The following ATXN2 variants were observed in gnomAD, a reference collection of about 807,000 sequenced individuals.
ATXN2 encodes ataxin 2, also known as ataxin-2.
In ATXN2, 37 loss-of-function variants were observed where a neutral mutation model predicts 138.6. That is an observed-to-expected ratio of 0.27 (90% CI 0.21 to 0.35). ATXN2 has a LOEUF of 0.35. Among genes scored for constraint, ATXN2 ranks in the 10% least tolerant of loss-of-function variants. The probability of loss-of-function intolerance (pLI) is 1.00; values close to 1 mark genes in which losing one functional copy is unlikely to be tolerated. For missense variants in ATXN2, 1,216 were observed against 1,480.3 expected (o/e 0.82, Z 2.93); for synonymous variants, 549 against 543.7 (o/e 1.01, Z -0.13).
In ATXN2 at chr12:111,511,209, GGTTT is replaced by G. The variant is rs769052516; in HGVS notation, c.1559-631_1559-628del. The G allele has an allele frequency of 3.3e-5, 5 of 151,492 alleles. No homozygotes were observed. In the East Asian group the frequency reaches 7.7e-4, roughly 23 times the overall value. 9.4% of individuals were successfully genotyped at this position (151,492 alleles called of 1,614,324 possible). The stretch of plus-strand genomic sequence containing the variant: ...CCTAACTGCAGAGCTCAGATTCAAA[GGTTT>G]AGAGAAAATGGTTCGATTATTTCAT... On this transcript the variant is annotated intron_variant, in intron 11 of 24. Transcript: ENST00000673436.
chr12:111,571,047 C>T (rs1883285145), intron 1 of ATXN2, among the ~76,000 whole-genome samples: 2 of 152,200 alleles, frequency 1.3e-5, no homozygotes, highest in African/African-American at 4.8e-5. Flanking sequence ...AAGCGTGTTA[C>T]ATGTTTAATT....
At chr12:111,584,019 T>A (rs1884177545) in intron 1 of ATXN2, among the ~76,000 whole-genome samples, 1 of 151,904 alleles carries the variant, frequency 6.6e-6, no homozygotes, top group Admixed American at 6.6e-5. Flanking sequence ...TCTTTCTCAA[T>A]CCTTTTACTG....
In ATXN2 at chr12:111,552,323, A is replaced by T. The variant is rs918544130; in HGVS notation, c.528T>A (p.Val176=). 4.3e-6 allele frequency: 7 copies of T among 1,613,472 alleles called. No individual in the cohort carries two copies. The highest frequency in any genetic ancestry group is 5.1e-6 in the Non-Finnish European group (6 of 1,179,766). ...ESILFKCSDF[V]VVQFKDMDSS... ...AGTCCATATCTTTAAACTGTACCAC[A>T]ACAAAGTCTGAACATTTGAACAAAA... is the stretch of plus-strand genomic sequence containing the variant. The change falls in exon 5 of 25, where the codon GTT becomes GTA. Residue 176 remains valine (V), a synonymous_variant. Transcript: ENST00000673436. This position sits in a 1 kb window ranked among gnomAD's most constrained non-coding sequence, Gnocchi z 4.1.
chr12:111,482,502 A>G (rs1435166906), intron 18 of ATXN2, among the ~76,000 whole-genome samples: 4 of 152,012 alleles, frequency 2.6e-5, no homozygotes, highest in Admixed American at 6.6e-5. Context: ...CTCTGAGTAT[A>G]TCATTTCTAT....
At chr12:111,485,183 A>C in intron 18 of ATXN2, 82 bp downstream of exon 18, 9 of 1,337,906 alleles carry the variant, frequency 6.7e-6, no homozygotes, top group Non-Finnish European at 9.5e-6. Context: ...GCTAAACTAC[A>C]ACTATTTATT....
Position 111,491,209 on chromosome 12 carries a change from C to T in ATXN2, c.1936-2429G>A, listed in dbSNP as rs562586010. Among the ~76,000 whole-genome samples, 12 of 152,130 alleles carry T rather than the reference C, an allele frequency of 7.9e-5. No individual in the cohort carries two copies. In the South Asian group the frequency reaches 1.7e-3, roughly 21 times the overall value. On this transcript the variant is annotated intron_variant, in intron 14 of 24. Coordinates refer to ENST00000673436, the MANE Select transcript of ATXN2 (RefSeq NM_001372574.1). The stretch of plus-strand genomic sequence containing the variant: ...CGGAGGTTGTGGTGAGCTGAGATTG[C>T]GTCACTATACTCCAGCCTGGGCAAT...
intron 21 of ATXN2, 193 bp from the exon 22 acceptor site, chr12:111,457,552 G>T: frequency 1.7e-6 from 1 of 572,658 alleles, no homozygotes; most frequent in African/African-American, 1.9e-5. Flanking sequence ...TAACAGACTA[G>T]CATTTGGTTC....
intron 3 of ATXN2, among the ~76,000 whole-genome samples, chr12:111,553,817 T>G (rs761071947): frequency 6.6e-6 from 1 of 151,750 alleles, no homozygotes; most frequent in Non-Finnish European, 1.5e-5. Context: ...CCCAGGCTGG[T>G]CTTAAACTTG....
intron 18 of ATXN2, among the ~76,000 whole-genome samples, chr12:111,477,248 C>T (rs1482795132): frequency 6.0e-5 from 9 of 150,926 alleles, no homozygotes; most frequent in Non-Finnish European, 1.2e-4. Context: ...CCTAGCTACT[C>T]GAGAGGCTGA....
rs1477013259 is a variant in ATXN2, at chr12:111,510,457, T to C, written c.1684A>G (p.Met562Val). 6 of 1,614,160 alleles carry C rather than the reference T, an allele frequency of 3.7e-6. No homozygotes were observed. The highest frequency in any genetic ancestry group is 5.1e-6 in the Non-Finnish European group (6 of 1,180,036). The change falls in exon 12 of 25, where the codon ATG becomes GTG. Residue 562 changes from methionine to valine, a missense_variant. Transcript: ENST00000673436. ...AGIIPTEAVA[M>V]PIPAASPTPA... is the part of the protein sequence containing the mutation. The stretch of plus-strand genomic sequence containing the variant: ...GTAGGAGATGCAGCTGGAATAGGCA[T>C]GGCAACAGCTTCAGTTGGAATAATA...
intron 5 of ATXN2, among the ~76,000 whole-genome samples, chr12:111,542,109 T>C (rs567666203): frequency 4.7e-5 from 7 of 149,226 alleles, no homozygotes; most frequent in African/African-American, 1.5e-4. Context: ...TTGAGGAAAA[T>C]TGACAACGTT....
At chr12:111,570,104 C>G (rs1027816413) in intron 1 of ATXN2, among the ~76,000 whole-genome samples, 1 of 152,078 alleles carries the variant, frequency 6.6e-6, no homozygotes, top group African/African-American at 2.4e-5. Flanking sequence ...TGGACAGTGC[C>G]CATTCCCATC....
chr12:111,521,493 G>A (rs16941545), intron 6 of ATXN2, among the ~76,000 whole-genome samples: 4,153 of 152,304 alleles, frequency 0.027, 78 homozygotes, highest in South Asian at 0.073. Flanking sequence ...TTCCAAGGTC[G>A]GACTATGGTA....
intron 1 of ATXN2, among the ~76,000 whole-genome samples, chr12:111,591,656 G>T (rs1333893723): frequency 6.6e-6 from 1 of 152,048 alleles, no homozygotes; most frequent in Non-Finnish European, 1.5e-5. Flanking sequence ...AATAAATAAA[G>T]GGAGAGGTGT....
intron 1 of ATXN2, among the ~76,000 whole-genome samples, chr12:111,558,487 CCAGT>C (rs1378485087): frequency 6.6e-6 from 1 of 152,076 alleles, no homozygotes; most frequent in Non-Finnish European, 1.5e-5. Flanking sequence ...ACTTAAAATG[CCAGT>C]CAAATTAATA....
intron 5 of ATXN2, among the ~76,000 whole-genome samples, chr12:111,549,681 G>A (rs1882018115): frequency 6.6e-6 from 1 of 152,186 alleles, no homozygotes; most frequent in Non-Finnish European, 1.5e-5. Context: ...TAAGAGACCT[G>A]ATGTCCTAAA....
At chr12:111,466,855 C>T (rs1357259999) in intron 20 of ATXN2, among the ~76,000 whole-genome samples, 1 of 151,898 alleles carries the variant, frequency 6.6e-6, no homozygotes, top group East Asian at 1.9e-4. Context: ...AAAAGAAAAG[C>T]ACAATTCATA....
Position 111,470,206 on chromosome 12 carries a change from T to G in ATXN2, c.2744A>C (p.Asn915Thr). 6.2e-7 allele frequency: 1 copy of G among 1,614,044 alleles called. No homozygotes were observed. The highest frequency in any genetic ancestry group is 1.7e-5 in the Admixed American group (1 of 60,006). Residue 915 changes from asparagine to threonine, a missense_variant, in exon 20 of 25, where the codon AAT becomes ACT. By Grantham distance (65) the Asn-to-Thr change is moderately conservative (BLOSUM62 0). Transcript: ENST00000673436. ...TGTTGGTGGTGCCATCATTCTAGCATTACCCTGTATTACAGGACTATAGAC... is the reference window on the plus strand; with the variant it reads ...TGTTGGTGGTGCCATCATTCTAGCAGTACCCTGTATTACAGGACTATAGAC... Reference protein sequence around the residue: ...PHVYSPVIQGNARMMAPPTHA... With the variant: ...PHVYSPVIQGTARMMAPPTHA...
intron 14 of ATXN2, among the ~76,000 whole-genome samples, chr12:111,504,993 G>A (rs1041327149): frequency 3.0e-4 from 45 of 152,176 alleles, no homozygotes; most frequent in Non-Finnish European, 6.3e-4. Context: ...GGAGGCTGAG[G>A]TGGGCGTGTC....
Sources: allele counts gnomAD v4.1 joint callset (sites outside exome capture counted in the v4.1 genomes callset), GRCh38; gene constraint gnomAD v4.1.1; non-coding constraint Gnocchi (gnomAD v3.1); transcripts MANE v1.5; gene names NCBI Gene and HGNC (gene_info 2026-07-23, HGNC 2026-07-21).